Variants in CDKL5 observed in about 807,000 individuals in gnomAD.
The protein encoded by CDKL5 is cyclin-dependent kinase-like 5.
In CDKL5, 8 loss-of-function variants were observed where a neutral mutation model predicts 61.7. That is an observed-to-expected ratio of 0.13 (90% CI 0.08 to 0.23). The LOEUF is 0.23. Among genes scored for constraint, CDKL5 ranks in the 10% least tolerant of loss-of-function variants. The pLI, the probability that CDKL5 is intolerant of heterozygous loss-of-function variation, is 1.00. For missense variants in CDKL5, 440 were observed against 734.5 expected (o/e 0.60, Z 4.63); for synonymous variants, 275 against 272.3 (o/e 1.01, Z -0.10).
intron 1 of CDKL5, among the ~76,000 whole-genome samples, chrX:18,475,382 C>T (rs1368723501): frequency 9.0e-6 from 1 of 110,679 alleles, no homozygotes; most frequent in Admixed American, 9.7e-5. Context: ...GCATCCTTGA[C>T]CTTTTGGGCA....
At chrX:18,497,711 AT>A in intron 1 of CDKL5, among the ~76,000 whole-genome samples, 1 of 111,338 alleles carries the variant, frequency 9.0e-6, no homozygotes, top group Non-Finnish European at 1.9e-5. Flanking sequence ...GTGAATGTCT[AT>A]TTAACCATCA....
chrX:18,526,630 G>A (rs1038057414), intron 3 of CDKL5, among the ~76,000 whole-genome samples: 2 of 111,174 alleles, frequency 1.8e-5, no homozygotes, highest in Non-Finnish European at 3.8e-5. Flanking sequence ...CTAGATTGCT[G>A]GGAGGTTTGT....
chrX:18,508,701 C>A (rs1922676954), intron 2 of CDKL5, among the ~76,000 whole-genome samples: 2 of 108,869 alleles, frequency 1.8e-5, no homozygotes, highest in African/African-American at 6.7e-5. Context: ...ATATATATAT[C>A]AGAATATGTT....
chrX:18,445,095 T>C (rs1931843315), intron 1 of CDKL5, among the ~76,000 whole-genome samples: 1 of 106,784 alleles, frequency 9.4e-6, no homozygotes, highest in Non-Finnish European at 1.9e-5. Context: ...TTTTTTTTTT[T>C]GAGACGGAGC....
intron 1 of CDKL5, among the ~76,000 whole-genome samples, chrX:18,495,517 T>A (rs1202481266): frequency 8.9e-6 from 1 of 111,988 alleles, no homozygotes; most frequent in Non-Finnish European, 1.9e-5. Flanking sequence ...ACGCAAACAA[T>A]TTTTGAGGGA....
At chrX:18,521,807 C>G (rs1243971486) in intron 3 of CDKL5, among the ~76,000 whole-genome samples, 1 of 112,001 alleles carries the variant, frequency 8.9e-6, no homozygotes, top group Non-Finnish European at 1.9e-5. Flanking sequence ...ATTCTTTCCC[C>G]ATTTACTGGT....
chrX:18,518,571 A>T (rs1422859464), intron 3 of CDKL5, among the ~76,000 whole-genome samples: 1 of 105,431 alleles, frequency 9.5e-6, no homozygotes, highest in Admixed American at 1.0e-4. Flanking sequence ...TGCCTGGCTA[A>T]TTTTTTTTAT....
intron 20 of CDKL5, chrX:18,647,415 A>C: frequency 9.5e-7 from 1 of 1,049,546 alleles, no homozygotes; most frequent in Non-Finnish European, 1.3e-6. Flanking sequence ...AAACAAACCC[A>C]TCTGCTTTGC....
intron 9 of CDKL5, chrX:18,589,589 C>T (rs1925761149): frequency 9.0e-6 from 1 of 111,378 alleles, no homozygotes; most frequent in Non-Finnish European, 1.9e-5. Context: ...TGAATAGTGC[C>T]GCAGTAAACA....
At chrX:18,549,987 C>T (rs188639029) in intron 3 of CDKL5, among the ~76,000 whole-genome samples, 1 of 111,811 alleles carries the variant, frequency 8.9e-6, no homozygotes, top group Admixed American at 9.5e-5. Flanking sequence ...AGTTACTTCA[C>T]ACTCCAGGTA....
chrX:18,506,804 G>A (rs1922594647), intron 1 of CDKL5, 131 bp from the exon 2 acceptor site: 1 of 240,036 alleles, frequency 4.2e-6, no homozygotes, highest in African/African-American at 2.8e-5. Context: ...ATTACTGTTG[G>A]TTTCTTCTTC....
intron 12 of CDKL5, among the ~76,000 whole-genome samples, chrX:18,605,824 CTG>C (rs1312223963): frequency 8.9e-6 from 1 of 112,044 alleles, no homozygotes; most frequent in Non-Finnish European, 1.9e-5. Flanking sequence ...TCAAAAGAGT[CTG>C]AGAGAGCTCT....
chrX:18,482,111 C>T (rs962226648), intron 1 of CDKL5, among the ~76,000 whole-genome samples: 4 of 111,352 alleles, frequency 3.6e-5, no homozygotes, highest in Non-Finnish European at 7.5e-5. Flanking sequence ...GCCCCATGTC[C>T]TTAGGGCAAT....
chrX:18,509,197 G>GCACGCGCGCA lies in CDKL5; in HGVS notation c.65-1620_65-1619insGCGCGCACAC, dbSNP rs1204561636. On this transcript the variant is annotated intron_variant, in intron 2 of 17. Coordinates refer to ENST00000623535, the MANE Select transcript of CDKL5 (RefSeq NM_001323289.2). ...AGAGAGCGAGACTGTCTCAAAACAC[G>GCACGCGCGCA]CACACACACACACACACACACACAC... is the stretch of plus-strand genomic sequence containing the variant. 1.1e-4 allele frequency among the ~76,000 whole-genome samples: 7 copies of GCACGCGCGCA among 64,314 alleles called. 1 individual carries two copies. The highest frequency in any genetic ancestry group is 4.1e-4 in the African/African-American group (7 of 16,911). 55.8% of individuals were successfully genotyped at this position (64,314 alleles called of 115,157 possible).
intron 9 of CDKL5, among the ~76,000 whole-genome samples, chrX:18,591,742 A>G (rs1167410811): frequency 9.0e-6 from 1 of 111,085 alleles, no homozygotes; most frequent in African/African-American, 3.3e-5. Context: ...TTCCATCTCT[A>G]TAATGCTCCC....
intron 9 of CDKL5, among the ~76,000 whole-genome samples, chrX:18,591,277 G>T (rs187309981): frequency 1.8e-5 from 2 of 111,843 alleles, no homozygotes; most frequent in East Asian, 5.6e-4. Context: ...GTTTCTCAAG[G>T]GCAGAAATCA....
intron 1 of CDKL5, among the ~76,000 whole-genome samples, chrX:18,478,874 C>T (rs1989073079): frequency 9.2e-6 from 1 of 108,972 alleles, no homozygotes; most frequent in Admixed American, 9.9e-5. Flanking sequence ...CACCACCATG[C>T]CCCGCCAATT....
chrX:18,519,446 C>T (rs1208494501), intron 3 of CDKL5, among the ~76,000 whole-genome samples: 1 of 111,670 alleles, frequency 9.0e-6, no homozygotes, highest in Non-Finnish European at 1.9e-5. Flanking sequence ...GACTCTTTGC[C>T]CTTGGTGCTC....
Position 18,628,782 on chromosome X carries a change from G to A in CDKL5, c.*25G>A. On this transcript the variant is annotated 3_prime_UTR_variant, in exon 18 of 18. Coordinates refer to ENST00000623535, the MANE Select transcript of CDKL5 (RefSeq NM_001323289.2). ...ATTTGTGCTGGTAGGGGGGAGGGGT[G>A]GACAGACAAGCCAGTGGGGAGGGGT... 1 of 788,888 alleles carries A rather than the reference G, an allele frequency of 1.3e-6. No individual in the cohort carries two copies. The highest frequency in any genetic ancestry group is 1.6e-6 in the Non-Finnish European group (1 of 618,105). 65.0% of individuals were successfully genotyped at this position (788,888 alleles called of 1,213,427 possible).
Sources: gnomAD v4.1 joint callset for allele counts (sites outside exome capture counted in the v4.1 genomes callset) on GRCh38, gnomAD v4.1.1 for gene constraint, MANE v1.5 for transcripts, NCBI Gene and HGNC (gene_info 2026-07-23, HGNC 2026-07-21) for gene names.